The following PCSK2 variants were observed in gnomAD, a reference collection of about 807,000 sequenced individuals.
The protein encoded by PCSK2 is proprotein convertase subtilisin/kexin type 2.
A neutral mutation model predicts 69.7 loss-of-function variants in PCSK2; 14 were observed. The observed-to-expected ratio is 0.20, with a 90% CI of 0.13 to 0.31. The LOEUF is 0.31. Among genes scored for constraint, PCSK2 ranks in the 10% least tolerant of loss-of-function variants. The pLI, the probability that PCSK2 is intolerant of heterozygous loss-of-function variation, is 1.00. For missense variants in PCSK2, 544 were observed against 842.5 expected, an observed-to-expected ratio of 0.65 and a Z score of 4.39; for synonymous variants, 307 against 320.7, an observed-to-expected ratio of 0.96 and a Z score of 0.46.
intron 2 of PCSK2, among the ~76,000 whole-genome samples, chr20:17,332,890 A>C (rs1990241589): frequency 1.3e-5 from 2 of 152,180 alleles, no homozygotes; most frequent in African/African-American, 4.8e-5. Flanking sequence ...TACCAAGAGA[A>C]TCCTACCTTA....
intron 2 of PCSK2, among the ~76,000 whole-genome samples, chr20:17,261,398 A>T (rs6080614): frequency 0.061 from 9,274 of 152,236 alleles, 344 homozygotes; most frequent in East Asian, 0.14. Flanking sequence ...TTTGGGCTTC[A>T]ATTAGGAATT....
At chr20:17,376,465 G>T (rs1388308113) in intron 5 of PCSK2, among the ~76,000 whole-genome samples, 1 of 152,150 alleles carries the variant, frequency 6.6e-6, no homozygotes, top group African/African-American at 2.4e-5. Flanking sequence ...CCCCAGTCTG[G>T]AGAGAATATT....
intron 1 of PCSK2, among the ~76,000 whole-genome samples, chr20:17,233,360 C>T (rs955057203): frequency 2.6e-5 from 4 of 152,096 alleles, no homozygotes; most frequent in African/African-American, 9.7e-5. Context: ...TAACAATAAG[C>T]TGGTTGTGCA....
intron 2 of PCSK2, among the ~76,000 whole-genome samples, chr20:17,300,511 T>C (rs1376601932): frequency 6.6e-6 from 1 of 152,252 alleles, no homozygotes; most frequent in East Asian, 1.9e-4. Context: ...AGCCCAAGTA[T>C]AGGTTTCAGT....
intron 8 of PCSK2, among the ~76,000 whole-genome samples, chr20:17,449,650 C>T (rs1401631938): frequency 1.3e-5 from 2 of 151,126 alleles, no homozygotes; most frequent in Non-Finnish European, 2.9e-5. Flanking sequence ...GACTCAGCCT[C>T]CCGAGTAGCT....
At chr20:17,371,775 G>T (rs1339379067) in intron 5 of PCSK2, among the ~76,000 whole-genome samples, 1 of 151,894 alleles carries the variant, frequency 6.6e-6, no homozygotes, top group Non-Finnish European at 1.5e-5. Context: ...AGGGCTACAT[G>T]GCATTAGCTC....
chr20:17,303,526 ATATTATATT>A (rs1568593856), intron 2 of PCSK2, among the ~76,000 whole-genome samples: 28 of 42,678 alleles, frequency 6.6e-4, no homozygotes, highest in African/African-American at 2.1e-3. Context: ...AATATAATAT[ATATTATATT>A]ATATATAATA....
intron 2 of PCSK2, among the ~76,000 whole-genome samples, chr20:17,293,038 T>A (rs1988750483): frequency 6.6e-6 from 1 of 152,154 alleles, no homozygotes; most frequent in Non-Finnish European, 1.5e-5. Flanking sequence ...TTGGCCAGGC[T>A]GGTCTTGAAC....
intron 5 of PCSK2, among the ~76,000 whole-genome samples, chr20:17,402,585 C>T (rs1429551224): frequency 6.7e-6 from 1 of 148,190 alleles, no homozygotes; most frequent in Admixed American, 6.8e-5. Flanking sequence ...CACTTGAACC[C>T]TAGGGACAGA....
chr20:17,356,878 A>G (rs1343352089), intron 2 of PCSK2, among the ~76,000 whole-genome samples: 2 of 152,122 alleles, frequency 1.3e-5, no homozygotes, highest in Non-Finnish European at 2.9e-5. Context: ...AGAGACACCC[A>G]CAGAGGCACC....
rs144327920 is a variant in PCSK2 at position 17,229,733 on chromosome 20, C to A, written c.177+2251C>A. On this transcript the variant is annotated intron_variant, in intron 1 of 11. Transcript: ENST00000262545. ...TACACGTTTAAGTAACAGGGACTGC[C>A]TGGTGCAACATCTGCCTAGAATAAA... Among the ~76,000 whole-genome samples, 49 of 152,118 alleles carry A rather than the reference C, an allele frequency of 3.2e-4. No individual in the cohort carries two copies. In the East Asian group the frequency reaches 9.2e-3, roughly 29 times the overall value.
upstream of PCSK2, chr20:17,226,134 G>A (rs1451206275): frequency 6.6e-6 from 1 of 152,246 alleles, no homozygotes; most frequent in Non-Finnish European, 1.5e-5. Flanking sequence ...TCCTTGTGCA[G>A]TGGAACGTCC....
intron 6 of PCSK2, among the ~76,000 whole-genome samples, chr20:17,426,047 C>A (rs1297311072): frequency 6.6e-6 from 1 of 152,106 alleles, no homozygotes; most frequent in Non-Finnish European, 1.5e-5. Context: ...CAATACTGTA[C>A]CAGAATACCT....
chr20:17,333,861 G>A (rs1483753202), intron 2 of PCSK2, among the ~76,000 whole-genome samples: 2 of 141,668 alleles, frequency 1.4e-5, no homozygotes, highest in Non-Finnish European at 1.5e-5. Context: ...TATTCAGTAA[G>A]TCTTCACTGT....
chr20:17,308,633 G>A (rs1316760337), intron 2 of PCSK2, among the ~76,000 whole-genome samples: 1 of 152,162 alleles, frequency 6.6e-6, no homozygotes, highest in Non-Finnish European at 1.5e-5. Context: ...AACAACAATG[G>A]TTTATTTAGC....
chr20:17,452,305 T>C (rs2032840840), intron 8 of PCSK2, among the ~76,000 whole-genome samples: 1 of 152,216 alleles, frequency 6.6e-6, no homozygotes, highest in Non-Finnish European at 1.5e-5. Flanking sequence ...TTCCTTGTTT[T>C]GGTTGGAGTT....
chr20:17,240,643 T>C (rs1413648997), intron 1 of PCSK2, among the ~76,000 whole-genome samples: 1 of 152,208 alleles, frequency 6.6e-6, no homozygotes, highest in African/African-American at 2.4e-5. Flanking sequence ...CGTCAGAGGC[T>C]AGAAAGAAAC....
At chr20:17,354,916 C>T (rs1429390264) in intron 2 of PCSK2, among the ~76,000 whole-genome samples, 2 of 151,936 alleles carry the variant, frequency 1.3e-5, no homozygotes, top group African/African-American at 4.8e-5. Context: ...AAAAAGTTTT[C>T]CAGTTATTTG....
Position 17,465,318 on chromosome 20 carries a change from G to T in PCSK2, c.1203-8G>T. ...CTTGCCCTCTTGCTCTCTGCTTCCT[G>T]TATCCAGCCTGGGTCTGACCTGGCG... is the stretch of plus-strand genomic sequence containing the variant. On this transcript the variant is annotated splice_region_variant and splice_polypyrimidine_tract_variant and intron_variant, in intron 10 of 11. Transcript: ENST00000262545. 1.2e-6 allele frequency: 2 copies of T among 1,611,026 alleles called. No homozygotes were observed. The highest frequency in any genetic ancestry group is 2.2e-5 in the South Asian group (2 of 90,836).
Sources: allele counts gnomAD v4.1 joint callset (sites outside exome capture counted in the v4.1 genomes callset), GRCh38; gene constraint gnomAD v4.1.1; transcripts MANE v1.5; gene names NCBI Gene and HGNC (gene_info 2026-07-23, HGNC 2026-07-21).